Variants in ORC3 observed in about 807,000 individuals in gnomAD.
ORC3 encodes the protein origin recognition complex subunit 3.
In ORC3, 78 loss-of-function variants were observed where a neutral mutation model predicts 100.7. The ratio of observed to expected loss-of-function variants is 0.77; its 90% CI spans 0.65 to 0.94. The LOEUF is 0.94. ORC3 is among the 40% of genes least tolerant of loss of function. ORC3 has a pLI of 0.00. For synonymous variants in ORC3, 295 were observed against 289.3 expected (o/e 1.02, Z -0.20); for missense variants, 789 against 823.9 (o/e 0.96, Z 0.52).
intron 11 of ORC3, among the ~76,000 whole-genome samples, chr6:87,630,340 G>A (rs533556814): frequency 2.6e-5 from 4 of 152,352 alleles, no homozygotes; most frequent in Non-Finnish European, 5.9e-5. Context: ...GGTCAAGGCT[G>A]CAGTGAGCTG....
intron 13 of ORC3, among the ~76,000 whole-genome samples, chr6:87,644,364 T>G (rs1321633752): frequency 2.4e-3 from 1 of 416 alleles, no homozygotes; most frequent in Admixed American, 0.026. Flanking sequence ...AGTGCTGGGA[T>G]TACAGGCGTA....
chr6:87,590,917 T>C (rs2128240044), intron 1 of ORC3, among the ~76,000 whole-genome samples: 1 of 152,306 alleles, frequency 6.6e-6, no homozygotes, highest in African/African-American at 2.4e-5. Flanking sequence ...GGATATCTTA[T>C]AGACCTCCTC....
At chr6:87,607,956 G>T in intron 6 of ORC3, 132 bp downstream of exon 6, 2 of 557,866 alleles carry the variant, frequency 3.6e-6, no homozygotes, top group South Asian at 4.6e-5. Flanking sequence ...TTTAAAAGTA[G>T]GTATTTATTT....
intron 5 of ORC3, 43 bp downstream of exon 5, chr6:87,606,064 G>T (rs768929333): frequency 1.9e-6 from 2 of 1,038,544 alleles, no homozygotes; most frequent in South Asian, 1.3e-5. Flanking sequence ...AGATGTTACA[G>T]ACTTCTTTCA....
chr6:87,622,140 G>A (rs1236195103), intron 11 of ORC3, 127 bp downstream of exon 11: 3 of 572,624 alleles, frequency 5.2e-6, no homozygotes, highest in Admixed American at 6.5e-5. Flanking sequence ...GAAGTACTGG[G>A]TCTTGATAGT....
chr6:87,646,544 A>G (rs1036694251), intron 13 of ORC3, among the ~76,000 whole-genome samples: 5 of 152,312 alleles, frequency 3.3e-5, no homozygotes, highest in African/African-American at 7.2e-5. Context: ...ACTGATTACA[A>G]TTAGGCTTGT....
intron 3 of ORC3, among the ~76,000 whole-genome samples, chr6:87,602,953 TAATATATATATATATATAC>T (rs1778045512): frequency 1.0e-5 from 1 of 97,924 alleles, no homozygotes; most frequent in African/African-American, 4.6e-5. Context: ...TACACATATA[TAATATATATATATATATAC>T]ATATATATAT....
At chr6:87,673,839 C>CAA in the ORC3 span, among the ~76,000 whole-genome samples, 1 of 142,516 alleles carries the variant, frequency 7.0e-6, no homozygotes, top group Non-Finnish European at 1.5e-5. Flanking sequence ...GACTCCATCT[C>CAA]AAAAAAAAAA....
chr6:87,637,170 G>A (rs1439706382), intron 13 of ORC3, among the ~76,000 whole-genome samples: 3 of 152,124 alleles, frequency 2.0e-5, no homozygotes, highest in African/African-American at 7.2e-5. Flanking sequence ...TTCCTCAGAG[G>A]TTGTAAATGC....
At chr6:87,677,333 T>C in the ORC3 span, among the ~76,000 whole-genome samples, 1 of 152,340 alleles carries the variant, frequency 6.6e-6, no homozygotes, top group Non-Finnish European at 1.5e-5. Flanking sequence ...CATATCTATA[T>C]AAACAGTAAA....
At chr6:87,646,147 C>T (rs1388742533) in intron 13 of ORC3, among the ~76,000 whole-genome samples, 6 of 151,676 alleles carry the variant, frequency 4.0e-5, no homozygotes, top group Non-Finnish European at 8.8e-5. Context: ...CCACCAAGCC[C>T]GGCTAATTTT....
chr6:87,662,022 A>G (rs534115760), intron 16 of ORC3, among the ~76,000 whole-genome samples: 27 of 152,338 alleles, frequency 1.8e-4, no homozygotes, highest in African/African-American at 6.5e-4. Flanking sequence ...ATCCCAAATT[A>G]TGGCAGATTT....
the ORC3 span, chr6:87,676,055 A>G: frequency 1.4e-6 from 1 of 702,984 alleles, no homozygotes; most frequent in Non-Finnish European, 2.4e-6. Flanking sequence ...TAACCTCAGT[A>G]GTACTAATAG....
At chr6:87,669,255 A>C (rs1032527224), downstream of ORC3, among the ~76,000 whole-genome samples, 5 of 152,260 alleles carry the variant, frequency 3.3e-5, no homozygotes, top group African/African-American at 4.8e-5. Flanking sequence ...GGTACCATAA[A>C]TAATCAACTG....
chr6:87,649,271 ATC>A (rs1226840864), intron 13 of ORC3, among the ~76,000 whole-genome samples: 1 of 152,138 alleles, frequency 6.6e-6, no homozygotes, highest in Non-Finnish European at 1.5e-5. Context: ...GTACACCTAG[ATC>A]TCTTTCTGAA....
intron 1 of ORC3, among the ~76,000 whole-genome samples, chr6:87,592,456 C>G (rs994251884): frequency 6.6e-6 from 1 of 151,870 alleles, no homozygotes; most frequent in African/African-American, 2.4e-5. Flanking sequence ...CATGGTGAAA[C>G]CACATCTGTA....
At chr6:87,622,217 TC>T (rs934024639) in intron 11 of ORC3, among the ~76,000 whole-genome samples, 4 of 152,130 alleles carry the variant, frequency 2.6e-5, no homozygotes, top group Non-Finnish European at 5.9e-5. Flanking sequence ...CTTTTTTTAA[TC>T]AAGAAAAAAT....
rs752690007 is a variant in ORC3 at position 87,621,337 on chromosome 6, C to T, written c.988-17C>T. Reference sequence around the variant, plus strand: ...CCAAAATATAACAAATATGTTTAATCTTCACATGTCTTTCAGCTTTCTCTA... The same window carrying T: ...CCAAAATATAACAAATATGTTTAATTTTCACATGTCTTTCAGCTTTCTCTA... On this transcript the variant is annotated splice_polypyrimidine_tract_variant and intron_variant, in intron 9 of 19. Transcript: ENST00000392844. The T allele has an allele frequency of 6.7e-7, 1 of 1,484,764 alleles. No homozygotes were observed. The highest frequency in any genetic ancestry group is 1.4e-5 in the South Asian group (1 of 70,544). 92.0% of individuals were successfully genotyped at this position (1,484,764 alleles called of 1,614,324 possible). A position where few individuals can be genotyped will look rare whatever the true frequency, so the allele number is the denominator to read the frequency against.
At position 87,667,403 on chromosome 6, in the gene ORC3, G is replaced by A. The variant is rs1388420230; in HGVS notation, c.*280G>A. 1 of 292,474 alleles carries A rather than the reference G, an allele frequency of 3.4e-6. No individual in the cohort carries two copies. The highest frequency in any genetic ancestry group is 6.2e-6 in the Non-Finnish European group (1 of 160,016). The allele number at this position is 292,474 out of a possible 1,614,324, so 18.1% of individuals were successfully genotyped here. ...ACTAAATTGTGAGTAAATCATTCTT[G>A]AACTTAGAGTATGTAAATGTAATAA... is the stretch of plus-strand genomic sequence containing the variant. On this transcript the variant is annotated 3_prime_UTR_variant, in exon 20 of 20. Coordinates refer to ENST00000392844, the MANE Select transcript of ORC3 (RefSeq NM_012381.4).
Sources: gnomAD v4.1 joint callset for allele counts (sites outside exome capture counted in the v4.1 genomes callset) on GRCh38, gnomAD v4.1.1 for gene constraint, MANE v1.5 for transcripts, NCBI Gene and HGNC (gene_info 2026-07-23, HGNC 2026-07-21) for gene names.